Variants in TGFA observed in about 807,000 individuals in gnomAD.
TGFA encodes the protein protransforming growth factor alpha.
TGFA carries 12 observed loss-of-function variants against 21.7 expected under a neutral mutation model. That is an observed-to-expected ratio of 0.55 (90% CI 0.35 to 0.90). The LOEUF (loss-of-function observed/expected upper bound fraction) is 0.90. TGFA is among the 40% of genes least tolerant of loss of function. The probability of loss-of-function intolerance (pLI) is 0.01; values close to 1 mark genes in which losing one functional copy is unlikely to be tolerated. For missense variants in TGFA, 178 were observed against 210.8 expected (o/e 0.84, Z 0.96); for synonymous variants, 79 against 88.1 (o/e 0.90, Z 0.58).
chr2:70,497,169 G>A (rs915517564), intron 2 of TGFA, among the ~76,000 whole-genome samples: 2 of 152,224 alleles, frequency 1.3e-5, no homozygotes. Flanking sequence ...AGACGTATGA[G>A]CTACAGATGG....
intron 2 of TGFA, among the ~76,000 whole-genome samples, chr2:70,482,715 CT>C (rs57880017): frequency 0.061 from 9,007 of 148,364 alleles, 330 homozygotes; most frequent in Middle Eastern, 0.12. Flanking sequence ...TGGCTCAAAA[CT>C]TTTTTTTTTT....
chr2:70,541,496 T>C (rs1673129432), intron 1 of TGFA, among the ~76,000 whole-genome samples: 1 of 152,218 alleles, frequency 6.6e-6, no homozygotes, highest in Non-Finnish European at 1.5e-5. Flanking sequence ...GGGGTGTTTT[T>C]ACACGCTGTT....
intron 1 of TGFA, among the ~76,000 whole-genome samples, chr2:70,524,520 C>T (rs1553502731): frequency 6.6e-6 from 1 of 152,258 alleles, no homozygotes; most frequent in African/African-American, 2.4e-5. Flanking sequence ...CTCGGGCTGG[C>T]TGGAGTTCCC....
chr2:70,508,074 T>C (rs781984299), intron 2 of TGFA, among the ~76,000 whole-genome samples: 1 of 152,254 alleles, frequency 6.6e-6, no homozygotes, highest in African/African-American at 2.4e-5. Flanking sequence ...AGAAAAGAGC[T>C]GTTGTTTCTA....
At chr2:70,537,710 G>A (rs1553504658) in intron 1 of TGFA, among the ~76,000 whole-genome samples, 1 of 152,232 alleles carries the variant, frequency 6.6e-6, no homozygotes, top group East Asian at 1.9e-4. Flanking sequence ...AAAGTTGGAA[G>A]CTAGCAGAGG....
At chr2:70,527,788 A>G (rs1553503130) in intron 1 of TGFA, among the ~76,000 whole-genome samples, 1 of 152,224 alleles carries the variant, frequency 6.6e-6, no homozygotes, top group African/African-American at 2.4e-5. Context: ...CTAAAAAAGT[A>G]TTCTATTACC....
chr2:70,529,092 CTGTT>C (rs1434310902), intron 1 of TGFA, among the ~76,000 whole-genome samples: 1 of 152,310 alleles, frequency 6.6e-6, no homozygotes, highest in South Asian at 2.1e-4. Flanking sequence ...GTATGTATGT[CTGTT>C]TGTTTTCTGT....
intron 1 of TGFA, among the ~76,000 whole-genome samples, chr2:70,530,792 G>C (rs782545532): frequency 1.3e-5 from 2 of 152,250 alleles, no homozygotes; most frequent in Non-Finnish European, 2.9e-5. Flanking sequence ...CCCAAGCTCA[G>C]AGGTGAAGGG....
chr2:70,519,277 G>T (rs1352313102), intron 1 of TGFA, among the ~76,000 whole-genome samples: 1 of 152,130 alleles, frequency 6.6e-6, no homozygotes, highest in Non-Finnish European at 1.5e-5. Flanking sequence ...GGTCTGCAAA[G>T]GCTCCCATGT....
intron 2 of TGFA, 67 bp from the exon 3 acceptor site, chr2:70,465,803 C>CCCTA: frequency 6.3e-7 from 1 of 1,592,558 alleles, no homozygotes; most frequent in Non-Finnish European, 8.6e-7. Flanking sequence ...ACACCTCCCA[C>CCCTA]CCTACCAGTC....
At position 70,526,832 on chromosome 2, in the gene TGFA, C is replaced by T. The variant is rs12329228; in HGVS notation, c.41-11920G>A. ...GTTTAGTTCTAGCAAGAACAGAGACCAGCAGGAAGACTACAGAAAGAAGAA... is the reference window on the plus strand; with the variant it reads ...GTTTAGTTCTAGCAAGAACAGAGACTAGCAGGAAGACTACAGAAAGAAGAA... On this transcript the variant is annotated intron_variant, in intron 1 of 5. Coordinates refer to ENST00000295400, the MANE Select transcript of TGFA (RefSeq NM_003236.4). Among the ~76,000 whole-genome samples, 1,363 of 152,228 alleles carry T rather than the reference C, an allele frequency of 9.0e-3. 16 individuals carry two copies. Among genetic ancestry groups the T allele is most frequent in the African/African-American group, 0.031 (1,282 of 41,524 alleles).
chr2:70,547,612 A>G (rs1227352729), intron 1 of TGFA, among the ~76,000 whole-genome samples: 3 of 149,816 alleles, frequency 2.0e-5, no homozygotes, highest in African/African-American at 7.3e-5. Context: ...AAAAACAAGT[A>G]CATTAAACAG....
At chr2:70,531,758 T>G (rs1167164959) in intron 1 of TGFA, among the ~76,000 whole-genome samples, 5 of 151,852 alleles carry the variant, frequency 3.3e-5, no homozygotes, top group African/African-American at 1.2e-4. Flanking sequence ...AGGATGTGGG[T>G]GGAAGGAAAA....
intron 2 of TGFA, among the ~76,000 whole-genome samples, chr2:70,500,556 A>T (rs1480143948): frequency 1.3e-5 from 2 of 152,108 alleles, no homozygotes; most frequent in Non-Finnish European, 2.9e-5. Context: ...TTCCAAGAGC[A>T]ACTATTTGAA....
At chr2:70,523,521 G>A (rs13415412) in intron 1 of TGFA, among the ~76,000 whole-genome samples, 2,981 of 152,056 alleles carry the variant, frequency 0.02, 93 homozygotes, top group African/African-American at 0.068. Context: ...TCTCTTCTGC[G>A]TAGAAAAGCC....
intron 2 of TGFA, among the ~76,000 whole-genome samples, chr2:70,498,951 G>T (rs1671657926): frequency 1.3e-5 from 2 of 152,016 alleles, no homozygotes; most frequent in Non-Finnish European, 2.9e-5. Context: ...AATTACTGAT[G>T]CCTGGATGCC....
intron 1 of TGFA, chr2:70,553,439 G>A (rs1559150471): frequency 7.1e-7 from 1 of 1,415,698 alleles, no homozygotes; most frequent in South Asian, 1.6e-5. Context: ...ACACAGCTGC[G>A]GCGGATTAAA....
intron 1 of TGFA, among the ~76,000 whole-genome samples, chr2:70,515,144 T>C (rs1672233203): frequency 6.6e-6 from 1 of 152,220 alleles, no homozygotes; most frequent in Admixed American, 6.5e-5. Context: ...ATCCAGAGCC[T>C]TCCACTTCTT....
chr2:70,515,914 A>G (rs1672261171), intron 1 of TGFA, among the ~76,000 whole-genome samples: 7 of 152,174 alleles, frequency 4.6e-5, no homozygotes, highest in Admixed American at 4.6e-4. Context: ...ATAAAACTAC[A>G]AGATTTTTAA....
Sources: gnomAD v4.1 joint callset for allele counts (sites outside exome capture counted in the v4.1 genomes callset) on GRCh38, gnomAD v4.1.1 for gene constraint, MANE v1.5 for transcripts, NCBI Gene and HGNC (gene_info 2026-07-23, HGNC 2026-07-21) for gene names.